The following BMP5 variants were observed in gnomAD, a reference collection of about 807,000 sequenced individuals.
The protein encoded by BMP5 is bone morphogenetic protein 5.
In BMP5, 23 loss-of-function variants were observed where a neutral mutation model predicts 46.6. That is an observed-to-expected ratio of 0.49 (90% CI 0.35 to 0.70). BMP5 has a LOEUF of 0.70. Ranked by LOEUF, BMP5 falls within the 30% of genes least tolerant of loss-of-function variation. The probability of loss-of-function intolerance (pLI) is 0.00; values close to 1 mark genes in which losing one functional copy is unlikely to be tolerated. For missense variants in BMP5, 545 were observed against 565.6 expected, an observed-to-expected ratio of 0.96 and a Z score of 0.37; for synonymous variants, 204 against 191.9, an observed-to-expected ratio of 1.06 and a Z score of -0.52.
chr6:55,777,079 T>C (rs745893572), intron 3 of BMP5, among the ~76,000 whole-genome samples: 5 of 151,960 alleles, frequency 3.3e-5, no homozygotes, highest in Non-Finnish European at 1.5e-5. Context: ...GGAGTGACTA[T>C]TAAGATTCCA....
intron 3 of BMP5, among the ~76,000 whole-genome samples, chr6:55,778,961 T>A (rs1775243017): frequency 6.6e-6 from 1 of 152,088 alleles, no homozygotes; most frequent in African/African-American, 2.4e-5. Context: ...TTCAAATTTA[T>A]AGTCACAGGG....
intron 1 of BMP5, among the ~76,000 whole-genome samples, chr6:55,857,820 C>G (rs1320161013): frequency 1.4e-5 from 2 of 147,824 alleles, no homozygotes; most frequent in African/African-American, 2.5e-5. Flanking sequence ...CTCACTGCAA[C>G]CTCCACCTCC....
intron 3 of BMP5, among the ~76,000 whole-genome samples, chr6:55,776,039 A>C (rs1182744377): frequency 6.6e-6 from 1 of 152,008 alleles, no homozygotes; most frequent in African/African-American, 2.4e-5. Flanking sequence ...CTGCCTCACA[A>C]ATGCCACTAT....
intron 2 of BMP5, among the ~76,000 whole-genome samples, chr6:55,796,491 AT>A (rs910619168): frequency 9.3e-4 from 141 of 150,846 alleles, no homozygotes; most frequent in African/African-American, 3.0e-3. Context: ...TGGAATTTGT[AT>A]TTTTTTTCTT....
intron 1 of BMP5, among the ~76,000 whole-genome samples, chr6:55,826,443 A>G (rs1173972430): frequency 6.6e-6 from 1 of 151,762 alleles, no homozygotes; most frequent in Non-Finnish European, 1.5e-5. Context: ...TATAATGCAT[A>G]TAATTTTGAA....
intron 5 of BMP5, among the ~76,000 whole-genome samples, chr6:55,760,145 ATCT>A (rs1426497958): frequency 6.6e-6 from 1 of 151,958 alleles, no homozygotes; most frequent in Non-Finnish European, 1.5e-5. Context: ...ATATGAACAA[ATCT>A]TCTATTTACA....
chr6:55,767,682 T>G (rs1410344793), intron 4 of BMP5, among the ~76,000 whole-genome samples: 7 of 152,006 alleles, frequency 4.6e-5, no homozygotes, highest in African/African-American at 1.7e-4. Context: ...AGATAGCAAC[T>G]TTTAATATTA....
intron 1 of BMP5, among the ~76,000 whole-genome samples, chr6:55,869,124 G>A (rs1240423331): frequency 6.6e-6 from 1 of 152,128 alleles, no homozygotes; most frequent in African/African-American, 2.4e-5. Flanking sequence ...CATTATTTAT[G>A]ACTGTAAATG....
chr6:55,772,059 ACTTT>A (rs927031329), intron 4 of BMP5, among the ~76,000 whole-genome samples: 2 of 151,904 alleles, frequency 1.3e-5, no homozygotes, highest in Non-Finnish European at 2.9e-5. Context: ...CAAACCAGCT[ACTTT>A]CTTTCTTCTT....
intron 2 of BMP5, among the ~76,000 whole-genome samples, chr6:55,806,433 C>T (rs560449125): frequency 1.2e-4 from 19 of 152,046 alleles, no homozygotes; most frequent in African/African-American, 4.1e-4. Flanking sequence ...TCTATCTGTC[C>T]GTTTTGGTAG....
chr6:55,808,608 A>G (rs1212269230), intron 2 of BMP5, among the ~76,000 whole-genome samples: 1 of 152,202 alleles, frequency 6.6e-6, no homozygotes, highest in African/African-American at 2.4e-5. Flanking sequence ...GCGTGGGCTC[A>G]CACGTGGGAT....
Position 55,835,323 on chromosome 6 carries a change from A to G in BMP5, c.491-15476T>C, listed in dbSNP as rs184774859. On this transcript the variant is annotated intron_variant, in intron 1 of 6. Coordinates refer to ENST00000370830, the MANE Select transcript of BMP5 (RefSeq NM_021073.4). Reference sequence around the variant, plus strand: ...GATTGGATCAAAAGCATATAAAAACAGATGCAAATGTGTAACATGGGTGGG... The same window carrying G: ...GATTGGATCAAAAGCATATAAAAACGGATGCAAATGTGTAACATGGGTGGG... Among the ~76,000 whole-genome samples, 6 of 152,338 alleles carry G rather than the reference A, an allele frequency of 3.9e-5. No homozygotes were observed. The East Asian group carries it at 1.2e-3, about 29-fold the overall frequency.
chr6:55,776,669 T>A (rs887610819), intron 3 of BMP5, among the ~76,000 whole-genome samples: 1 of 150,788 alleles, frequency 6.6e-6, no homozygotes, highest in Non-Finnish European at 1.5e-5. Flanking sequence ...TAATGTATGA[T>A]CTTTCTAATA....
intron 1 of BMP5, among the ~76,000 whole-genome samples, chr6:55,857,598 A>T (rs1245347640): frequency 2.6e-5 from 4 of 152,222 alleles, no homozygotes; most frequent in South Asian, 2.1e-4. Flanking sequence ...AAATGCTTTG[A>T]CTCAAAAATC....
chr6:55,775,510 T>G (rs2127521821), intron 3 of BMP5, among the ~76,000 whole-genome samples: 1 of 152,102 alleles, frequency 6.6e-6, no homozygotes, highest in South Asian at 2.1e-4. Context: ...TATGTATATC[T>G]TATGCAAAGT....
intron 2 of BMP5, among the ~76,000 whole-genome samples, chr6:55,810,984 A>C (rs905234623): frequency 3.9e-5 from 6 of 152,184 alleles, no homozygotes; most frequent in African/African-American, 1.4e-4. Context: ...AAATCACCCC[A>C]GGTAAGAACC....
At chr6:55,833,150 TG>T (rs935564939) in intron 1 of BMP5, among the ~76,000 whole-genome samples, 4 of 152,132 alleles carry the variant, frequency 2.6e-5, no homozygotes, top group African/African-American at 9.7e-5. Context: ...AGAGATATTA[TG>T]AATATCTAAC....
intron 2 of BMP5, among the ~76,000 whole-genome samples, chr6:55,818,332 C>T (rs185826969): frequency 4.7e-4 from 72 of 151,634 alleles, no homozygotes; most frequent in Middle Eastern, 3.4e-3. Context: ...TTATATCAGA[C>T]GCATATAAAA....
chr6:55,807,721 A>C (rs1383881926), intron 2 of BMP5, among the ~76,000 whole-genome samples: 5 of 152,158 alleles, frequency 3.3e-5, no homozygotes, highest in African/African-American at 1.2e-4. Flanking sequence ...GCTATTTATT[A>C]CTGGCTCAAT....
Sources: allele counts gnomAD v4.1 joint callset (sites outside exome capture counted in the v4.1 genomes callset), GRCh38; gene constraint gnomAD v4.1.1; transcripts MANE v1.5; gene names NCBI Gene and HGNC (gene_info 2026-07-23, HGNC 2026-07-21).